SEL1L3: variants seen among roughly 807,000 people sequenced by gnomAD.
SEL1L3 encodes the protein protein sel-1 homolog 3.
Under a neutral mutation model 142.8 loss-of-function variants are expected in SEL1L3, and 76 were observed. That is an observed-to-expected ratio of 0.53 (90% CI 0.44 to 0.64). The LOEUF (loss-of-function observed/expected upper bound fraction) is 0.64. Among genes scored for constraint, SEL1L3 ranks in the 30% least tolerant of loss-of-function variants. The pLI, the probability that SEL1L3 is intolerant of heterozygous loss-of-function variation, is 0.00. For synonymous variants in SEL1L3, 504 were observed against 519.6 expected, an observed-to-expected ratio of 0.97 and a Z score of 0.41; for missense variants, 1,262 against 1,381.7, an observed-to-expected ratio of 0.91 and a Z score of 1.37.
chr4:25,719,697 A>T, the SEL1L3 span: 1 of 152,186 alleles, frequency 6.6e-6, no homozygotes, highest in Non-Finnish European at 1.5e-5. Flanking sequence ...TTTTTAGAGA[A>T]TCATGTCATC....
chr4:25,788,334 G>A lies in SEL1L3; in HGVS notation c.2107C>T (p.Gln703Ter). 1 of 1,613,872 alleles carries A rather than the reference G, an allele frequency of 6.2e-7. No individual in the cohort carries two copies. Residue 703 changes from glutamine to a stop codon, truncating the protein, a stop_gained, in exon 13 of 24, where the codon CAG (glutamine) becomes TAG (stop). Coordinates refer to ENST00000399878, the MANE Select transcript of SEL1L3 (RefSeq NM_015187.5). LOFTEE classifies it high-confidence loss of function. This position sits in a 1 kb window ranked among gnomAD's most constrained non-coding sequence, Gnocchi z 5.3. ...QRLAQMLFWGQQGVAKNPEAA... is the reference protein window; with the variant it reads ...QRLAQMLFWG ...TCGGGATTCTTGGCCACACCTTGCT[G>A]CCCCCAGAACAGCATCTGGGCCAAT...
Position 25,857,866 on chromosome 4 carries a change from G to A in SEL1L3, c.162+4809C>T, listed in dbSNP as rs572570532. Reference sequence around the variant, plus strand: ...AGGGTTGGGGCTAAAATGCCATTATGCCGGCATGCCTTGAGTTTGGAGGAG... The same window carrying A: ...AGGGTTGGGGCTAAAATGCCATTATACCGGCATGCCTTGAGTTTGGAGGAG... On this transcript the variant is annotated intron_variant, in intron 1 of 23. Transcript: ENST00000399878. 5.9e-5 allele frequency among the ~76,000 whole-genome samples: 9 copies of A among 152,310 alleles called. No individual in the cohort carries two copies. The East Asian group carries it at 1.7e-3, about 29-fold the overall frequency.
chr4:25,847,989 C>A, intron 1 of SEL1L3, 125 bp from the exon 2 acceptor site: 1 of 654,436 alleles, frequency 1.5e-6, no homozygotes, highest in Non-Finnish European at 2.6e-6. Context: ...TGAATGAATG[C>A]GGGAGATAAA....
chr4:25,784,397 T>C, intron 13 of SEL1L3, 107 bp from the exon 14 acceptor site: 3 of 874,660 alleles, frequency 3.4e-6, no homozygotes, highest in Non-Finnish European at 5.6e-6. Context: ...AACCCTAACT[T>C]TCTTCATTTA....
intron 15 of SEL1L3, among the ~76,000 whole-genome samples, chr4:25,780,302 C>G (rs2109166758): frequency 6.6e-6 from 1 of 152,286 alleles, no homozygotes; most frequent in South Asian, 2.1e-4. Flanking sequence ...AATGCATGAA[C>G]CCCCTGCTCC....
chr4:25,863,128 C>G (rs1717864097), upstream of SEL1L3: 1 of 183,670 alleles, frequency 5.4e-6, no homozygotes, highest in Non-Finnish European at 1.1e-5. Context: ...CGGGCTTCCA[C>G]CCCTCGGAGC....
chr4:25,739,150 A>G, the SEL1L3 span, among the ~76,000 whole-genome samples: 1 of 152,170 alleles, frequency 6.6e-6, no homozygotes, highest in East Asian at 1.9e-4. Context: ...CAGAGGTTGC[A>G]GTGAGCAGAG....
intron 20 of SEL1L3, among the ~76,000 whole-genome samples, chr4:25,764,795 C>T (rs1319474722): frequency 6.6e-6 from 1 of 152,116 alleles, no homozygotes; most frequent in African/African-American, 2.4e-5. Context: ...CGCACCCCCA[C>T]AGGATTATGT....
intron 9 of SEL1L3, among the ~76,000 whole-genome samples, chr4:25,817,382 C>T (rs576824500): frequency 1.2e-4 from 19 of 152,294 alleles, no homozygotes; most frequent in African/African-American, 3.4e-4. Flanking sequence ...TTCACCAGAC[C>T]GAACATCTCC....
chr4:25,714,587 T>C, the SEL1L3 span, among the ~76,000 whole-genome samples: 1 of 150,738 alleles, frequency 6.6e-6, no homozygotes, highest in East Asian at 1.9e-4. Context: ...CTTTTTTTTT[T>C]TTGAGACAGA....
chr4:25,854,466 C>G (rs898903188), intron 1 of SEL1L3, among the ~76,000 whole-genome samples: 1 of 152,010 alleles, frequency 6.6e-6, no homozygotes, highest in African/African-American at 2.4e-5. Flanking sequence ...TTAGTAGAGA[C>G]CGAGTTTCAC....
intron 17 of SEL1L3, among the ~76,000 whole-genome samples, chr4:25,775,359 G>T (rs1030867814): frequency 6.6e-6 from 1 of 152,174 alleles, no homozygotes. Flanking sequence ...TGTTGGTTGC[G>T]TGTGCAGCCA....
At chr4:25,831,508 A>T (rs1039658235) in intron 5 of SEL1L3, among the ~76,000 whole-genome samples, 3 of 75,198 alleles carry the variant, frequency 4.0e-5, no homozygotes, top group African/African-American at 1.6e-4. Context: ...AATAATAATA[A>T]TAATTATTAT....
At chr4:25,772,663 A>G (rs1719308121) in intron 17 of SEL1L3, among the ~76,000 whole-genome samples, 1 of 152,210 alleles carries the variant, frequency 6.6e-6, no homozygotes, top group African/African-American at 2.4e-5. Context: ...GAGGAAGGAA[A>G]AGAAAAAAAG....
chr4:25,756,993 T>C lies in SEL1L3; in HGVS notation c.3259+541A>G. 3 of 1,192,090 alleles carry C rather than the reference T, an allele frequency of 2.5e-6. No homozygotes were observed. In the South Asian group the frequency reaches 4.7e-5, roughly 19 times the overall value. The allele number at this position is 1,192,090 out of a possible 1,614,324, so 73.8% of individuals were successfully genotyped here. On this transcript the variant is annotated intron_variant, in intron 23 of 23. Transcript: ENST00000399878. ...AGAAAGTCCTTATTTTGAGGCTGGG[T>C]GCAGTGGCCCACGCCTGTAATCCCA...
In SEL1L3 at chr4:25,761,623, A is replaced by G. The variant is rs187957614; in HGVS notation, c.2956-2555T>C. Among the ~76,000 whole-genome samples, 770 of 152,360 alleles carry G rather than the reference A, an allele frequency of 5.1e-3. 3 individuals carry two copies. Among genetic ancestry groups the G allele is most frequent in the African/African-American group, 0.018 (740 of 41,592 alleles). ...TATGGTTTAAATTTTCAAAAGTGTC[A>G]AAATTCCAACAGATAAATAGGCAAA... is the stretch of plus-strand genomic sequence containing the variant. On this transcript the variant is annotated intron_variant, in intron 20 of 23. Transcript: ENST00000399878.
intron 2 of SEL1L3, among the ~76,000 whole-genome samples, chr4:25,840,359 G>T (rs1716093300): frequency 6.6e-6 from 1 of 152,206 alleles, no homozygotes; most frequent in East Asian, 1.9e-4. Context: ...GTACTATCAT[G>T]ACATTGACTT....
the SEL1L3 span, among the ~76,000 whole-genome samples, chr4:25,723,503 C>G: frequency 0.25 from 37,281 of 151,850 alleles, 6,500 homozygotes; most frequent in African/African-American, 0.5. Context: ...TCCATAAAAT[C>G]AGGAAATGTA....
At chr4:25,862,610 C>T (rs1717801608) in intron 1 of SEL1L3, 65 bp downstream of exon 1, 3 of 913,320 alleles carry the variant, frequency 3.3e-6, no homozygotes, top group Non-Finnish European at 4.3e-6. Context: ...TGTCCCCGGC[C>T]GCCCCCACCC....
Sources: allele counts gnomAD v4.1 joint callset (sites outside exome capture counted in the v4.1 genomes callset), GRCh38; gene constraint gnomAD v4.1.1; non-coding constraint Gnocchi (gnomAD v3.1); transcripts MANE v1.5; gene names NCBI Gene and HGNC (gene_info 2026-07-23, HGNC 2026-07-21).